SUGCT: variants seen among roughly 807,000 people sequenced by gnomAD.
SUGCT encodes the protein succinyl-CoA:glutarate-CoA transferase.
SUGCT carries 41 observed loss-of-function variants against 55.0 expected under a neutral mutation model. That is an observed-to-expected ratio of 0.74 (90% CI 0.58 to 0.97). The LOEUF is 0.97. SUGCT is among the 50% of genes least tolerant of loss of function. The probability of loss-of-function intolerance (pLI) is 0.00; values close to 1 mark genes in which losing one functional copy is unlikely to be tolerated. For missense variants in SUGCT, 568 were observed against 547.8 expected, an observed-to-expected ratio of 1.04 and a Z score of -0.37; for synonymous variants, 187 against 200.4, an observed-to-expected ratio of 0.93 and a Z score of 0.56.
intron 12 of SUGCT, among the ~76,000 whole-genome samples, chr7:40,716,976 A>G (rs543716393): frequency 2.2e-4 from 34 of 152,278 alleles, no homozygotes; most frequent in African/African-American, 7.7e-4. Context: ...TCAACAAAGT[A>G]TAGTAGAAAA....
chr7:40,374,926 CCT>C (rs1263326930), intron 9 of SUGCT, among the ~76,000 whole-genome samples: 1 of 152,064 alleles, frequency 6.6e-6, no homozygotes, highest in African/African-American at 2.4e-5. Flanking sequence ...GCTATCTGGC[CCT>C]CTTTGTCCCC....
chr7:40,494,190 C>T (rs1294106529), intron 11 of SUGCT, among the ~76,000 whole-genome samples: 1 of 123,040 alleles, frequency 8.1e-6, no homozygotes, highest in Non-Finnish European at 1.8e-5. Flanking sequence ...GTAGATCTTT[C>T]AGGCCACTTT....
chr7:40,487,960 T>C (rs529859921), intron 11 of SUGCT, among the ~76,000 whole-genome samples: 1 of 151,978 alleles, frequency 6.6e-6, no homozygotes, highest in East Asian at 1.9e-4. Flanking sequence ...AACCAACTGG[T>C]TTTTCTTTCC....
chr7:40,729,666 A>AT (rs1351763947), intron 12 of SUGCT, among the ~76,000 whole-genome samples: 1 of 152,160 alleles, frequency 6.6e-6, no homozygotes, highest in African/African-American at 2.4e-5. Context: ...TCCATGCTAA[A>AT]TTTTGGACTT....
intron 11 of SUGCT, among the ~76,000 whole-genome samples, chr7:40,461,187 A>G (rs1789778046): frequency 6.6e-6 from 1 of 152,078 alleles, no homozygotes; most frequent in Non-Finnish European, 1.5e-5. Flanking sequence ...CTTATCATTT[A>G]TTTTTCTGAA....
intron 8 of SUGCT, among the ~76,000 whole-genome samples, chr7:40,302,697 G>A (rs952278865): frequency 2.6e-5 from 4 of 152,052 alleles, no homozygotes; most frequent in African/African-American, 4.8e-5. Flanking sequence ...GTTAGACCAG[G>A]CCCACTCAAG....
the SUGCT span, among the ~76,000 whole-genome samples, chr7:41,032,497 A>C: frequency 6.6e-6 from 1 of 152,108 alleles, no homozygotes; most frequent in African/African-American, 2.4e-5. Flanking sequence ...CTGGAATGTA[A>C]AGGAAAGGCA....
chr7:40,412,351 A>G (rs1167521834), intron 9 of SUGCT, among the ~76,000 whole-genome samples: 1 of 152,194 alleles, frequency 6.6e-6, no homozygotes, highest in Non-Finnish European at 1.5e-5. Context: ...GACAAACTTT[A>G]ACTAGGAACT....
intron 6 of SUGCT, among the ~76,000 whole-genome samples, chr7:40,212,541 T>G (rs140514178): frequency 1.4e-3 from 214 of 152,190 alleles, no homozygotes; most frequent in African/African-American, 3.9e-3. Context: ...AATATTTTTT[T>G]TTTGTTTGTT....
intron 7 of SUGCT, among the ~76,000 whole-genome samples, chr7:40,245,434 T>TATTA (rs776072413): frequency 3.7e-5 from 2 of 53,486 alleles, no homozygotes; most frequent in Admixed American, 4.6e-4. Flanking sequence ...TTTTTTTTTT[T>TATTA]TTTTTTTTTT....
intron 12 of SUGCT, among the ~76,000 whole-genome samples, chr7:40,578,119 A>G (rs1331429728): frequency 1.3e-5 from 2 of 152,128 alleles, no homozygotes; most frequent in African/African-American, 2.4e-5. Context: ...CTGTAATAAC[A>G]CAGATTGCGG....
chr7:40,613,348 T>C (rs1394625232), intron 12 of SUGCT, among the ~76,000 whole-genome samples: 1 of 152,132 alleles, frequency 6.6e-6, no homozygotes, highest in African/African-American at 2.4e-5. Context: ...CCACATTTGT[T>C]TCGGGCACTC....
At chr7:40,911,621 C>T in the SUGCT span, among the ~76,000 whole-genome samples, 22 of 150,482 alleles carry the variant, frequency 1.5e-4, no homozygotes, top group Non-Finnish European at 2.7e-4. Flanking sequence ...CCAGATAATT[C>T]TTTGTTGTGG....
At chr7:40,362,582 T>C (rs1429144447) in intron 9 of SUGCT, among the ~76,000 whole-genome samples, 1 of 152,186 alleles carries the variant, frequency 6.6e-6, no homozygotes, top group Non-Finnish European at 1.5e-5. Flanking sequence ...CATAGTTATT[T>C]TTCTCTTTGA....
the SUGCT span, among the ~76,000 whole-genome samples, chr7:40,899,691 C>T: frequency 2.0e-5 from 3 of 152,022 alleles, no homozygotes; most frequent in Middle Eastern, 3.4e-3. Flanking sequence ...ATCACCCCCA[C>T]AACACAGTTT....
intron 13 of SUGCT, among the ~76,000 whole-genome samples, chr7:40,786,936 C>G (rs1038252788): frequency 3.9e-5 from 6 of 152,222 alleles, no homozygotes; most frequent in Non-Finnish European, 7.3e-5. Flanking sequence ...CCAGTGCACA[C>G]AAGCTTAATG....
At chr7:40,173,670 A>G (rs1338737737) in intron 1 of SUGCT, among the ~76,000 whole-genome samples, 7 of 152,192 alleles carry the variant, frequency 4.6e-5, no homozygotes, top group East Asian at 3.9e-4. Flanking sequence ...AGTTGAGTTA[A>G]AAGCCCCGTG....
intron 12 of SUGCT, among the ~76,000 whole-genome samples, chr7:40,600,076 A>G (rs1327962323): frequency 2.0e-5 from 3 of 152,120 alleles, no homozygotes; most frequent in African/African-American, 7.2e-5. Context: ...TTTCTATGGG[A>G]CTGGTACTAT....
chr7:40,848,741 C>T (rs187022366), intron 13 of SUGCT, among the ~76,000 whole-genome samples: 71 of 152,234 alleles, frequency 4.7e-4, no homozygotes, highest in Non-Finnish European at 9.3e-4. Context: ...GTTTCTGGGA[C>T]GCCTGGTCCC....
Sources: gnomAD v4.1 joint callset for allele counts (sites outside exome capture counted in the v4.1 genomes callset) on GRCh38, gnomAD v4.1.1 for gene constraint, MANE v1.5 for transcripts, NCBI Gene and HGNC (gene_info 2026-07-23, HGNC 2026-07-21) for gene names.